The following CNTRL variants were observed in gnomAD, a reference collection of about 807,000 sequenced individuals.
CNTRL encodes the protein 110 kDa centrosomal protein.
A neutral mutation model predicts 303.7 loss-of-function variants in CNTRL; 233 were observed. The ratio of observed to expected loss-of-function variants is 0.77; its 90% CI spans 0.69 to 0.86. The LOEUF (loss-of-function observed/expected upper bound fraction) is 0.86. Ranked by LOEUF, CNTRL falls within the 40% of genes least tolerant of loss-of-function variation. The pLI is 0.00. For synonymous variants in CNTRL, 900 were observed against 922.2 expected, an observed-to-expected ratio of 0.98 and a Z score of 0.44; for missense variants, 2,524 against 2,650.6, an observed-to-expected ratio of 0.95 and a Z score of 1.05.
At chr9:121,079,549 G>A (rs2048058424) in intron 1 of CNTRL, among the ~76,000 whole-genome samples, 1 of 152,080 alleles carries the variant, frequency 6.6e-6, no homozygotes, top group Non-Finnish European at 1.5e-5. Flanking sequence ...TGTCCAAAAT[G>A]CTTGCTATCA....
At chr9:121,102,536 A>C (rs1017039967) in intron 7 of CNTRL, among the ~76,000 whole-genome samples, 1 of 152,178 alleles carries the variant, frequency 6.6e-6, no homozygotes, top group African/African-American at 2.4e-5. Context: ...TAGTGTTGGA[A>C]ATTCTGGCCA....
chr9:121,162,526 A>G (rs2052902642), intron 34 of CNTRL, among the ~76,000 whole-genome samples: 1 of 151,802 alleles, frequency 6.6e-6, no homozygotes, highest in African/African-American at 2.4e-5. Flanking sequence ...ATGGAGATAT[A>G]TATCTTGTTC....
At position 121,146,131 on chromosome 9, in the gene CNTRL, G is replaced by A. The variant is rs2051838439; in HGVS notation, c.3334G>A (p.Val1112Ile). ...AGACAACAAAGGAGGCTTTGAAAAT[G>A]TTTTAGAAGAAATTGCTGAACTTCG... ...GSDNKGGFEN[V>I]LEEIAELRRE... Residue 1112 changes from valine (V) to isoleucine (I), a missense_variant, in exon 23 of 44, where the codon GTT becomes ATT. Physicochemically the swap from Val to Ile is conservative, Grantham distance 29. Coordinates refer to ENST00000373855, the MANE Select transcript of CNTRL (RefSeq NM_007018.6). 1.2e-6 allele frequency: 2 copies of A among 1,611,854 alleles called. No homozygotes were observed. Among genetic ancestry groups the A allele is most frequent in the Admixed American group, 3.4e-5 (2 of 59,514 alleles).
chr9:121,121,673 T>A (rs1356293716), intron 12 of CNTRL: 1 of 456,194 alleles, frequency 2.2e-6, no homozygotes, highest in Non-Finnish European at 2.9e-6. Flanking sequence ...TTGGGCGTGA[T>A]TGGCCCCTGG....
intron 37 of CNTRL, 93 bp downstream of exon 37, chr9:121,167,770 C>T: frequency 1.8e-6 from 2 of 1,119,012 alleles, no homozygotes; most frequent in Non-Finnish European, 2.6e-6. Context: ...AGAAATATCC[C>T]CAATGGGACT....
In CNTRL at chr9:121,158,032, C is replaced by T. The variant is rs2052667893; in HGVS notation, c.4687C>T (p.His1563Tyr). The change falls in exon 30 of 44, where the codon CAC becomes TAC. Residue 1563 changes from histidine to tyrosine, a missense_variant. His to Tyr is a moderately conservative substitution (Grantham distance 83). Transcript: ENST00000373855. ...AGAGATGGCAGAACGCAATGAGGATCACCACCTGCAGGTCCTTAAAGAATC... is the reference window on the plus strand; with the variant it reads ...AGAGATGGCAGAACGCAATGAGGATTACCACCTGCAGGTCCTTAAAGAATC... The part of the protein sequence containing the change: ...DIEMAERNED[H>Y]HLQVLKESEV... 2 of 1,614,008 alleles carry T rather than the reference C, an allele frequency of 1.2e-6. No individual in the cohort carries two copies. Among genetic ancestry groups the T allele is most frequent in the African/African-American group, 1.3e-5 (1 of 74,906 alleles).
chr9:121,119,452 C>T (rs968070679), intron 12 of CNTRL, among the ~76,000 whole-genome samples: 1 of 151,926 alleles, frequency 6.6e-6, no homozygotes, highest in Non-Finnish European at 1.5e-5. Context: ...CCCACCACCA[C>T]GCCTGGCTGA....
chr9:121,147,474 C>T (rs566231575), intron 23 of CNTRL, among the ~76,000 whole-genome samples: 25 of 152,094 alleles, frequency 1.6e-4, no homozygotes, highest in South Asian at 4.2e-4. Flanking sequence ...GGTGAGCTTT[C>T]GGTGGGGCTC....
intron 19 of CNTRL, among the ~76,000 whole-genome samples, chr9:121,142,981 C>T (rs2051606943): frequency 6.6e-6 from 1 of 152,046 alleles, no homozygotes; most frequent in South Asian, 2.1e-4. Context: ...CCTGACAAAA[C>T]TGAAGCTCTC....
chr9:121,096,539 T>A lies in CNTRL; in HGVS notation c.597T>A (p.Asn199Lys). Residue 199 changes from asparagine (N) to lysine (K), a missense_variant, in exon 6 of 44, where the codon AAT becomes AAA. Physicochemically the swap from Asn to Lys is moderately conservative, Grantham distance 94. Coordinates refer to ENST00000373855, the MANE Select transcript of CNTRL (RefSeq NM_007018.6). The part of the protein sequence containing the change: ...GKKLKSLRVL[N>K]LKGNKISSLQ... ...AGTTAAAATCTTTGCGAGTCCTCAA[T>A]TTGAAAGGCAACAAGATATCATCGG... is the stretch of plus-strand genomic sequence containing the variant. 6.7e-7 allele frequency: 1 copy of A among 1,485,668 alleles called. No individual in the cohort carries two copies. Among genetic ancestry groups the A allele is most frequent in the Non-Finnish European group, 9.0e-7 (1 of 1,107,682 alleles). The allele number at this position is 1,485,668 out of a possible 1,614,324, so 92.0% of individuals were successfully genotyped here.
rs750735478 is a variant in CNTRL, at chr9:121,135,888, C to T, written c.2108C>T (p.Ala703Val). The T allele has an allele frequency of 3.1e-6, 5 of 1,613,942 alleles. No homozygotes were observed. The East Asian group carries it at 8.9e-5, about 29-fold the overall frequency. The change falls in exon 15 of 44, where the codon GCC becomes GTC. Residue 703 changes from alanine (A) to valine (V), a missense_variant. Transcript: ENST00000373855. The stretch of plus-strand genomic sequence containing the variant: ...CAGCAGACCCAGGGAGATCTCAGTG[C>T]CTATGAAGCTGAGCTAGAGGCTCGG... ...SLQQTQGDLS[A>V]YEAELEARLN...
At position 121,098,522 on chromosome 9, in the gene CNTRL, A is replaced by C. The variant is rs372485353; in HGVS notation, c.758A>C (p.Gln253Pro). 13 of 1,613,968 alleles carry C rather than the reference A, an allele frequency of 8.1e-6. No individual in the cohort carries two copies. In the African/African-American group the frequency reaches 1.7e-4, roughly 22 times the overall value. Residue 253 changes from glutamine (Q) to proline (P), a missense_variant, in exon 7 of 44, where the codon CAG (glutamine) becomes CCG (proline). Coordinates refer to ENST00000373855, the MANE Select transcript of CNTRL (RefSeq NM_007018.6). ...HLRSLESLEG[Q>P]PVTTQDRQEA... ...CGTTCATTGGAAAGTTTGGAAGGTC[A>C]GCCAGTAACCACTCAGGATAGACAG...
chr9:121,096,609 A>G, intron 6 of CNTRL, 46 bp downstream of exon 6: 2 of 1,326,698 alleles, frequency 1.5e-6, no homozygotes, highest in Non-Finnish European at 9.8e-7. Flanking sequence ...GTTAAAAAAT[A>G]AAAGATTAAA....
At chr9:121,118,053 T>G (rs2050062120) in intron 11 of CNTRL, among the ~76,000 whole-genome samples, 2 of 152,108 alleles carry the variant, frequency 1.3e-5, no homozygotes, top group Non-Finnish European at 2.9e-5. Flanking sequence ...AGTTGGCTAT[T>G]ATTAATACTA....
At chr9:121,165,801 G>T (rs755728761) in intron 35 of CNTRL, among the ~76,000 whole-genome samples, 2 of 152,122 alleles carry the variant, frequency 1.3e-5, no homozygotes, top group Non-Finnish European at 2.9e-5. Context: ...TTCCTGAAAG[G>T]TTAAGTTTCT....
chr9:121,172,636 G>A (rs750518832), intron 40 of CNTRL, among the ~76,000 whole-genome samples: 2 of 151,968 alleles, frequency 1.3e-5, no homozygotes, highest in African/African-American at 2.4e-5. Flanking sequence ...GCAAGACCCT[G>A]TCTTTAAAAA....
At chr9:121,117,523 G>A (rs1025258308) in intron 11 of CNTRL, among the ~76,000 whole-genome samples, 15 of 152,156 alleles carry the variant, frequency 9.9e-5, no homozygotes, top group Admixed American at 2.0e-4. Context: ...TAACTGTAGC[G>A]TAGTAGTCAG....
intron 14 of CNTRL, among the ~76,000 whole-genome samples, chr9:121,133,892 T>C (rs1251951259): frequency 1.3e-5 from 2 of 152,240 alleles, no homozygotes; most frequent in East Asian, 3.8e-4. Context: ...TCAGTATGTA[T>C]TTCCTATGAA....
At chr9:121,126,500 A>C (rs1044153585) in intron 14 of CNTRL, among the ~76,000 whole-genome samples, 3 of 152,186 alleles carry the variant, frequency 2.0e-5, no homozygotes, top group Admixed American at 2.0e-4. Context: ...CCAGAAATTG[A>C]ATTAATATAT....
Sources: allele counts gnomAD v4.1 joint callset (sites outside exome capture counted in the v4.1 genomes callset), GRCh38; gene constraint gnomAD v4.1.1; transcripts MANE v1.5; gene names NCBI Gene and HGNC (gene_info 2026-07-23, HGNC 2026-07-21).